CLK4: variants seen among roughly 807,000 people sequenced by gnomAD.
CLK4 encodes the protein CDC like kinase 4.
A neutral mutation model predicts 64.4 loss-of-function variants in CLK4; 37 were observed. The ratio of observed to expected loss-of-function variants is 0.57; its 90% CI spans 0.44 to 0.76. The LOEUF (loss-of-function observed/expected upper bound fraction) is 0.76. Ranked by LOEUF, CLK4 falls within the 30% of genes least tolerant of loss-of-function variation. CLK4 has a pLI of 0.00. For missense variants in CLK4, 457 were observed against 605.1 expected (o/e 0.76, Z 2.57); for synonymous variants, 175 against 191.6 (o/e 0.91, Z 0.72).
chr5:178,624,005 A>C (rs567734483), intron 1 of CLK4, among the ~76,000 whole-genome samples: 1 of 152,344 alleles, frequency 6.6e-6, no homozygotes, highest in South Asian at 2.1e-4. Context: ...AAAAACACTT[A>C]GGGATACTAA....
At chr5:178,605,669 T>C (rs1764457252) in intron 10 of CLK4, among the ~76,000 whole-genome samples, 1 of 152,236 alleles carries the variant, frequency 6.6e-6, no homozygotes, top group Non-Finnish European at 1.5e-5. Flanking sequence ...GCTAGGTATG[T>C]GGGAACATGA....
rs796590809 is a variant in CLK4 at position 178,613,608 on chromosome 5, G to T, written c.691C>A (p.His231Asn). 6.2e-7 allele frequency: 1 copy of T among 1,609,894 alleles called. No individual in the cohort carries two copies. Among genetic ancestry groups the T allele is most frequent in the Non-Finnish European group, 8.5e-7 (1 of 1,178,866 alleles). Residue 231 changes from histidine to asparagine, a missense_variant, in exon 7 of 13, where the codon CAT becomes AAT. Coordinates refer to ENST00000316308, the MANE Select transcript of CLK4 (RefSeq NM_020666.3). ...AACACAATACAAACATGACCATGAT[G>T]ATCAAACCATTCTAGCATCTGGACA... ...RCVQMLEWFDHHGHVCIVFEL... is the reference protein window; with the variant it reads ...RCVQMLEWFDNHGHVCIVFEL...
At chr5:178,607,476 C>T (rs561741010) in intron 10 of CLK4, among the ~76,000 whole-genome samples, 26 of 145,722 alleles carry the variant, frequency 1.8e-4, no homozygotes, top group African/African-American at 6.3e-4. Context: ...AATTATTAAC[C>T]TTTCCTGGGT....
intron 1 of CLK4, among the ~76,000 whole-genome samples, chr5:178,625,610 A>C (rs903091122): frequency 6.6e-6 from 1 of 152,156 alleles, no homozygotes; most frequent in Non-Finnish European, 1.5e-5. Context: ...CATTACTATG[A>C]AGTTTTTTTC....
chr5:178,617,051 A>G lies in CLK4; in HGVS notation c.476-103T>C. The G allele has an allele frequency of 1.2e-6, 1 of 803,266 alleles. No homozygotes were observed. The highest frequency in any genetic ancestry group is 1.6e-5 in the South Asian group (1 of 63,996). The allele number at this position is 803,266 out of a possible 1,614,324, so 49.8% of individuals were successfully genotyped here. A position where few individuals can be genotyped will look rare whatever the true frequency, so the allele number is the denominator to read the frequency against. On this transcript the variant is annotated intron_variant, in intron 4 of 12. Coordinates refer to ENST00000316308, the MANE Select transcript of CLK4 (RefSeq NM_020666.3). The surrounding 1 kb of genome is among the most constrained non-coding windows in gnomAD (Gnocchi z 5.2). ...GTGGAATATTTTCAAATGATCTCTA[A>G]CAAAGCATAACTAAGGTTTCAGCAC...
chr5:178,614,253 CA>C lies in CLK4; in HGVS notation c.543-411del, dbSNP rs1764596579. Among the ~76,000 whole-genome samples the C allele has an allele frequency of 2.6e-5, 4 of 152,316 alleles. No homozygotes were observed. In the South Asian group the frequency reaches 8.3e-4, roughly 32 times the overall value. The stretch of plus-strand genomic sequence containing the variant: ...AGACGGGGTGTGTCCCTACGTACTT[CA>C]AAGTCTAATGGAAAAGACAGACACA... On this transcript the variant is annotated intron_variant, in intron 5 of 12. Coordinates refer to ENST00000316308, the MANE Select transcript of CLK4 (RefSeq NM_020666.3).
At position 178,603,466 on chromosome 5, in the gene CLK4, A is replaced by T; in HGVS notation, c.*151T>A. 2.1e-6 allele frequency: 1 copy of T among 480,538 alleles called. No homozygotes were observed. The highest frequency in any genetic ancestry group is 3.4e-6 in the Non-Finnish European group (1 of 290,234). 29.8% of individuals were successfully genotyped at this position (480,538 alleles called of 1,614,324 possible). On this transcript the variant is annotated 3_prime_UTR_variant, in exon 13 of 13. Transcript: ENST00000316308. ...CAAGACCATACTTGCTTAACAAGTTAATTATGCTATTGATACAAAACATAC... is the reference window on the plus strand; with the variant it reads ...CAAGACCATACTTGCTTAACAAGTTTATTATGCTATTGATACAAAACATAC...
intron 2 of CLK4, 63 bp downstream of exon 2, chr5:178,623,193 G>T: frequency 7.1e-7 from 1 of 1,415,938 alleles, no homozygotes; most frequent in East Asian, 2.3e-5. Context: ...AGCTATATAA[G>T]CAAATGACAA....
At chr5:178,606,828 C>T (rs1764473855) in intron 10 of CLK4, among the ~76,000 whole-genome samples, 1 of 151,862 alleles carries the variant, frequency 6.6e-6, no homozygotes, top group African/African-American at 2.4e-5. Context: ...GGTGTAGTGG[C>T]TCGTGCCTGT....
chr5:178,619,744 C>G, intron 2 of CLK4: 1 of 1,262,092 alleles, frequency 7.9e-7, no homozygotes, highest in Non-Finnish European at 1.0e-6. Context: ...TCATGGGCCT[C>G]AGGATGTCAA....
intron 1 of CLK4, among the ~76,000 whole-genome samples, chr5:178,624,658 G>A (rs532728180): frequency 8.5e-4 from 130 of 152,294 alleles, no homozygotes; most frequent in Non-Finnish European, 3.5e-4. Context: ...TAAACAGGGT[G>A]AGTTTAAATG....
At chr5:178,613,438 A>C (rs766059547) in intron 7 of CLK4, 35 bp downstream of exon 7, 2 of 1,291,918 alleles carry the variant, frequency 1.5e-6, no homozygotes, top group African/African-American at 3.1e-5. Context: ...AAATAAATAA[A>C]TAAATAAAAA....
Position 178,617,441 on chromosome 5 carries a change from C to G in CLK4, c.385-7G>C. The G allele has an allele frequency of 6.2e-7, 1 of 1,610,016 alleles. No individual in the cohort carries two copies. Among genetic ancestry groups the G allele is most frequent in the Non-Finnish European group, 8.5e-7 (1 of 1,176,604 alleles). ...TTTTCCTTCGGTGGCTCTTCTGGAA[C>G]GGCAAGTGGGCAGCACCAAGATCGT... is the stretch of plus-strand genomic sequence containing the variant. On this transcript the variant is annotated splice_polypyrimidine_tract_variant and splice_region_variant and intron_variant, in intron 3 of 12. Coordinates refer to ENST00000316308, the MANE Select transcript of CLK4 (RefSeq NM_020666.3). This position sits in a 1 kb window ranked among gnomAD's most constrained non-coding sequence, Gnocchi z 5.2.
chr5:178,618,936 G>A (rs1764666678), intron 2 of CLK4, among the ~76,000 whole-genome samples, 158 bp from the exon 3 acceptor site: 1 of 152,184 alleles, frequency 6.6e-6, no homozygotes, highest in South Asian at 2.1e-4. Context: ...TAAAGCTTAA[G>A]AAATAATTTT....
At chr5:178,611,200 T>A (rs1764552142) in intron 9 of CLK4, among the ~76,000 whole-genome samples, 1 of 152,092 alleles carries the variant, frequency 6.6e-6, no homozygotes, top group Admixed American at 6.5e-5. Context: ...TGGGGAAAAA[T>A]CTGATTCTTA....
chr5:178,626,711 C>A (rs1764787458), intron 1 of CLK4, among the ~76,000 whole-genome samples: 1 of 152,182 alleles, frequency 6.6e-6, no homozygotes, highest in South Asian at 2.1e-4. Flanking sequence ...GAGCCCACGG[C>A]CTCCGGAGCC....
chr5:178,617,057 C>T lies in CLK4; in HGVS notation c.476-109G>A. The T allele has an allele frequency of 1.3e-6, 1 of 787,930 alleles. No homozygotes were observed. The highest frequency in any genetic ancestry group is 2.4e-5 in the Admixed American group (1 of 41,586). 48.8% of individuals were successfully genotyped at this position (787,930 alleles called of 1,614,324 possible). ...TATTTTCAAATGATCTCTAACAAAG[C>T]ATAACTAAGGTTTCAGCACTCAAAT... On this transcript the variant is annotated intron_variant, in intron 4 of 12. Coordinates refer to ENST00000316308, the MANE Select transcript of CLK4 (RefSeq NM_020666.3). This position sits in a 1 kb window ranked among gnomAD's most constrained non-coding sequence, Gnocchi z 5.2.
At chr5:178,607,725 T>C (rs553200194) in intron 10 of CLK4, among the ~76,000 whole-genome samples, 1 of 152,108 alleles carries the variant, frequency 6.6e-6, no homozygotes, top group African/African-American at 2.4e-5. Flanking sequence ...TTAGCCAGGA[T>C]GGTCTCGATC....
chr5:178,625,093 C>T (rs1192916258), intron 1 of CLK4, among the ~76,000 whole-genome samples: 1 of 152,126 alleles, frequency 6.6e-6, no homozygotes, highest in Non-Finnish European at 1.5e-5. Flanking sequence ...AATGGAGTCA[C>T]TTCCATATGG....
Sources: gnomAD v4.1 joint callset for allele counts (sites outside exome capture counted in the v4.1 genomes callset) on GRCh38, gnomAD v4.1.1 for gene constraint, Gnocchi (gnomAD v3.1) non-coding constraint, MANE v1.5 for transcripts, NCBI Gene and HGNC (gene_info 2026-07-23, HGNC 2026-07-21) for gene names.